Variants in NEK11 observed in about 807,000 individuals in gnomAD.
NEK11 encodes the protein NIMA related kinase 11.
A neutral mutation model predicts 80.7 loss-of-function variants in NEK11; 72 were observed. The ratio of observed to expected loss-of-function variants is 0.89; its 90% confidence interval spans 0.74 to 1.08. The LOEUF is 1.08. Among genes scored for constraint, NEK11 ranks in the 50% least tolerant of loss-of-function variants. The pLI, the probability that NEK11 is intolerant of heterozygous loss-of-function variation, is 0.00. For missense variants in NEK11, 764 were observed against 763.6 expected, an observed-to-expected ratio of 1.00 and a Z score of -0.01; for synonymous variants, 251 against 260.7, an observed-to-expected ratio of 0.96 and a Z score of 0.36.
rs180918986 is a variant in NEK11, at chr3:131,260,894, A to G, written c.1622-12584A>G. ...GTCTGTGAGGATTCCTGAGTAAGCA[A>G]TGTCTCAGGTGCTTAAGTGAGATCT... On this transcript the variant is annotated intron_variant, in intron 16 of 17. Transcript: ENST00000383366. Among the ~76,000 whole-genome samples, 1,117 of 152,238 alleles carry G rather than the reference A, an allele frequency of 7.3e-3. 9 individuals are homozygous for G. The highest frequency in any genetic ancestry group is 9.8e-3 in the Non-Finnish European group (665 of 68,016).
chr3:131,196,705 G>A (rs891774416), intron 14 of NEK11, among the ~76,000 whole-genome samples: 1 of 151,910 alleles, frequency 6.6e-6, no homozygotes, highest in Non-Finnish European at 1.5e-5. Context: ...GCTAATTTTT[G>A]TATTTTTAGT....
At position 131,317,774 on chromosome 3, in the gene NEK11, A is replaced by AAGGAGGAGGAGG. The variant is rs1211307501; in HGVS notation, c.1719-31774_1719-31763dup. Among the ~76,000 whole-genome samples the AAGGAGGAGGAGG allele has an allele frequency of 5.7e-4, 62 of 108,896 alleles. 1 individual carries two copies. Among genetic ancestry groups the AAGGAGGAGGAGG allele is most frequent in the Middle Eastern group, 6.2e-3 (1 of 162 alleles). 71.4% of individuals were successfully genotyped at this position (108,896 alleles called of 152,430 possible). Reference sequence around the variant, plus strand: ...TCTACCCCCACCCAAGAAGAAGGAGAAGGAGGAGGAGGAGGAGGAGAGAAG... The same window carrying AAGGAGGAGGAGG: ...TCTACCCCCACCCAAGAAGAAGGAGAAGGAGGAGGAGGAGGAGGAGGAGGAGGAGGAGAGAAG... On this transcript the variant is annotated intron_variant, in intron 17 of 17. Transcript: ENST00000383366.
At chr3:131,319,014 GGTT>G (rs1382826237) in intron 17 of NEK11, among the ~76,000 whole-genome samples, 1 of 151,428 alleles carries the variant, frequency 6.6e-6, no homozygotes, top group South Asian at 2.1e-4. Context: ...TGGGTTTTTG[GGTT>G]GTTTTCAGTT....
At chr3:131,189,337 A>G (rs962829248) in intron 14 of NEK11, among the ~76,000 whole-genome samples, 4 of 152,210 alleles carry the variant, frequency 2.6e-5, no homozygotes, top group African/African-American at 9.6e-5. Context: ...ACAAAATACC[A>G]TAGACTAGGT....
intron 3 of NEK11, among the ~76,000 whole-genome samples, chr3:131,049,819 T>C (rs1298531209): frequency 1.3e-5 from 2 of 152,208 alleles, no homozygotes; most frequent in Non-Finnish European, 1.5e-5. Context: ...AGGATTTTTT[T>C]GTTTTTTAAA....
intron 4 of NEK11, among the ~76,000 whole-genome samples, chr3:131,087,435 G>T (rs2076143085): frequency 6.6e-6 from 1 of 151,708 alleles, no homozygotes. Context: ...GTAAAGATGG[G>T]GTTTCTCCAT....
chr3:131,046,362 T>C (rs928262303), intron 3 of NEK11, among the ~76,000 whole-genome samples: 7 of 152,218 alleles, frequency 4.6e-5, no homozygotes, highest in Admixed American at 1.3e-4. Flanking sequence ...TTTTCACTTA[T>C]GAAGCTTAGT....
intron 3 of NEK11, among the ~76,000 whole-genome samples, chr3:131,040,606 C>G (rs1290927976): frequency 6.6e-6 from 1 of 152,162 alleles, no homozygotes; most frequent in Non-Finnish European, 1.5e-5. Context: ...AAACTTGATA[C>G]TTTCAGCTGA....
intron 3 of NEK11, among the ~76,000 whole-genome samples, chr3:131,031,978 T>C (rs1345019276): frequency 6.6e-6 from 1 of 151,932 alleles, no homozygotes; most frequent in Non-Finnish European, 1.5e-5. Context: ...TTTTTTTTTT[T>C]TGAGGCGGAG....
chr3:131,141,172 A>AAG (rs1339483397), intron 7 of NEK11, among the ~76,000 whole-genome samples: 1 of 152,060 alleles, frequency 6.6e-6, no homozygotes, highest in African/African-American at 2.4e-5. Context: ...TGCAGAAGGG[A>AAG]AGAGACGTGA....
chr3:131,281,844 G>A (rs923214561), intron 17 of NEK11, among the ~76,000 whole-genome samples: 4 of 152,058 alleles, frequency 2.6e-5, no homozygotes, highest in Non-Finnish European at 5.9e-5. Flanking sequence ...TTTTATAAAT[G>A]TAGTATTTCA....
intron 15 of NEK11, among the ~76,000 whole-genome samples, chr3:131,241,887 G>T (rs2108079501): frequency 6.6e-6 from 1 of 152,154 alleles, no homozygotes; most frequent in South Asian, 2.1e-4. Flanking sequence ...GGGATTTGGG[G>T]TATTTATTTT....
chr3:131,183,821 A>G (rs958408090), intron 14 of NEK11, among the ~76,000 whole-genome samples: 1 of 152,168 alleles, frequency 6.6e-6, no homozygotes, highest in African/African-American at 2.4e-5. Flanking sequence ...TGCTGGGTCA[A>G]ATGGTATTTC....
chr3:131,194,735 T>C (rs1447884443), intron 14 of NEK11, among the ~76,000 whole-genome samples: 1 of 152,178 alleles, frequency 6.6e-6, no homozygotes, highest in Non-Finnish European at 1.5e-5. Flanking sequence ...CCCTTTTATT[T>C]TTCTAAGAAA....
At chr3:131,233,222 G>T (rs1025125488) in intron 15 of NEK11, among the ~76,000 whole-genome samples, 1 of 152,158 alleles carries the variant, frequency 6.6e-6, no homozygotes, top group African/African-American at 2.4e-5. Context: ...CGCAAGGTGT[G>T]TTGCTGGAGT....
chr3:131,223,904 A>G (rs75782811), intron 14 of NEK11, among the ~76,000 whole-genome samples: 9,260 of 152,200 alleles, frequency 0.061, 390 homozygotes, highest in East Asian at 0.19. Context: ...ATGGATTTTG[A>G]GAAATTATTC....
rs115169089 is a variant in NEK11, at chr3:131,231,795, C to G, written c.1560+3107C>G. Among the ~76,000 whole-genome samples the G allele has an allele frequency of 4.4e-3, 670 of 152,034 alleles. 6 individuals carry two copies. The highest frequency in any genetic ancestry group is 0.015 in the African/African-American group (608 of 41,498). ...CATCTCTCAGATTGGCCTCTTCTCC[C>G]CTTTCCCTGGTCTTGCCCTGGACCT... On this transcript the variant is annotated intron_variant, in intron 15 of 17. Coordinates refer to ENST00000383366, the MANE Select transcript of NEK11 (RefSeq NM_024800.5).
rs555300426 is a variant in NEK11 at position 131,299,888 on chromosome 3, T to C, written c.1718+26314T>C. ...AATGATTTCTATTCTTTTGGATACA[T>C]ACCCAATAATGGAATTGCTAGGATG... is the stretch of plus-strand genomic sequence containing the variant. On this transcript the variant is annotated intron_variant, in intron 17 of 17. Transcript: ENST00000383366. 2.0e-5 allele frequency among the ~76,000 whole-genome samples: 3 copies of C among 152,358 alleles called. No individual in the cohort carries two copies. In the South Asian group the frequency reaches 6.2e-4, roughly 32 times the overall value.
At chr3:131,342,851 T>C (rs1027373052) in intron 17 of NEK11, among the ~76,000 whole-genome samples, 1 of 152,156 alleles carries the variant, frequency 6.6e-6, no homozygotes, top group Admixed American at 6.6e-5. Context: ...TATAACAAAA[T>C]ACTTCAGGCT....
Sources: gnomAD v4.1 joint callset for allele counts (sites outside exome capture counted in the v4.1 genomes callset) on GRCh38, gnomAD v4.1.1 for gene constraint, MANE v1.5 for transcripts, NCBI Gene and HGNC (gene_info 2026-07-23, HGNC 2026-07-21) for gene names.